FREM1: variants seen among roughly 807,000 people sequenced by gnomAD.
FREM1 encodes FRAS1-related extracellular matrix protein 1.
A neutral mutation model predicts 210.1 loss-of-function variants in FREM1; 220 were observed. That is an observed-to-expected ratio of 1.05 (90% CI 0.94 to 1.17). FREM1 has a LOEUF of 1.17. Among genes scored for constraint, FREM1 ranks in the 50% most tolerant of loss-of-function variants. FREM1 has a pLI of 0.00. For missense variants in FREM1, 3,454 were observed against 2,675.5 expected (o/e 1.29, Z -6.42); for synonymous variants, 1,189 against 980.2 (o/e 1.21, Z -3.98).
At chr9:14,870,314 A>G (rs951590291) in intron 1 of FREM1, among the ~76,000 whole-genome samples, 1 of 152,166 alleles carries the variant, frequency 6.6e-6, no homozygotes, top group African/African-American at 2.4e-5. Flanking sequence ...GTGTCACCTG[A>G]TACCTGAGGG....
intron 2 of FREM1, among the ~76,000 whole-genome samples, chr9:14,868,386 T>C (rs1297917219): frequency 1.3e-5 from 2 of 152,162 alleles, no homozygotes; most frequent in Admixed American, 6.5e-5. Context: ...GAGGAGAAAT[T>C]GGAAAGACTT....
At chr9:14,876,659 G>A (rs182324717) in intron 1 of FREM1, among the ~76,000 whole-genome samples, 25 of 152,176 alleles carry the variant, frequency 1.6e-4, no homozygotes, top group South Asian at 2.1e-4. Flanking sequence ...ACCCTGCTTC[G>A]GCTCAAGCAC....
chr9:14,777,254 T>G (rs1044772286), intron 24 of FREM1, among the ~76,000 whole-genome samples: 1 of 152,236 alleles, frequency 6.6e-6, no homozygotes. Flanking sequence ...ACATTCTACC[T>G]ACTGAAGCCA....
chr9:14,822,178 C>T (rs1821480926), intron 13 of FREM1, among the ~76,000 whole-genome samples: 1 of 152,106 alleles, frequency 6.6e-6, no homozygotes, highest in Non-Finnish European at 1.5e-5. Flanking sequence ...CTTCCCTAGC[C>T]ACGTGAAACT....
chr9:14,859,330 C>G lies in FREM1; in HGVS notation c.484G>C (p.Asp162His), dbSNP rs573357415. 1.9e-6 allele frequency: 3 copies of G among 1,613,886 alleles called. No individual in the cohort carries two copies. Among genetic ancestry groups the G allele is most frequent in the African/African-American group, 1.3e-5 (1 of 75,016 alleles). ...QAIDKNLLRFDYDRMASLECT... is the reference protein window; with the variant it reads ...QAIDKNLLRFHYDRMASLECT... ...TCCAGGCTAGCCATCCTATCATAAT[C>G]GAATCTGAGCAGATTTTTATCAATC... Residue 162 changes from aspartate (D) to histidine (H), a missense_variant, in exon 4 of 37, where the codon GAT (aspartate) becomes CAT (histidine). By Grantham distance (81) the Asp-to-His change is moderately conservative. Transcript: ENST00000380880.
intron 2 of FREM1, among the ~76,000 whole-genome samples, chr9:14,864,745 T>C (rs1424764556): frequency 6.6e-6 from 1 of 152,204 alleles, no homozygotes; most frequent in Non-Finnish European, 1.5e-5. Context: ...ATGTCCACCA[T>C]TGTGTTCGTG....
chr9:14,876,651 C>T (rs1322236164), intron 1 of FREM1, among the ~76,000 whole-genome samples: 2 of 152,122 alleles, frequency 1.3e-5, no homozygotes, highest in Non-Finnish European at 2.9e-5. Flanking sequence ...AATGCCTCAC[C>T]CTGCTTCGGC....
intron 27 of FREM1, among the ~76,000 whole-genome samples, chr9:14,769,141 C>G (rs930877696): frequency 6.6e-6 from 1 of 152,150 alleles, no homozygotes; most frequent in African/African-American, 2.4e-5. Flanking sequence ...AGATTTGTTA[C>G]TCTTGCTATT....
rs1843998861 is a variant in FREM1 at position 14,754,810 on chromosome 9, T to A, written c.5407+1564A>T. The stretch of plus-strand genomic sequence containing the variant: ...TTAGCCAGGTGTGGTGGTGTGCGCC[T>A]GTAGTCCCAGCTACTTGGGAGGCCA... On this transcript the variant is annotated intron_variant, in intron 29 of 36. Transcript: ENST00000380880. Among the ~76,000 whole-genome samples the A allele has an allele frequency of 3.3e-5, 5 of 152,170 alleles. No individual in the cohort carries two copies. In the South Asian group the frequency reaches 1.0e-3, roughly 32 times the overall value.
At chr9:14,871,697 G>A (rs1178454598) in intron 1 of FREM1, among the ~76,000 whole-genome samples, 2 of 152,168 alleles carry the variant, frequency 1.3e-5, no homozygotes, top group South Asian at 2.1e-4. Flanking sequence ...TGTTTCCATT[G>A]CTTTTGGTGT....
At chr9:14,744,844 A>G (rs111338774) in intron 35 of FREM1, among the ~76,000 whole-genome samples, 3 of 152,192 alleles carry the variant, frequency 2.0e-5, no homozygotes, top group African/African-American at 7.2e-5. Flanking sequence ...TGATTGTACC[A>G]TTTTACACTT....
chr9:14,743,065 A>T (rs991988348), intron 35 of FREM1, among the ~76,000 whole-genome samples: 1 of 152,174 alleles, frequency 6.6e-6, no homozygotes, highest in Non-Finnish European at 1.5e-5. Context: ...AAACAATTTC[A>T]TATACTATAA....
chr9:14,855,605 G>A (rs893430239), intron 5 of FREM1, among the ~76,000 whole-genome samples: 2 of 151,874 alleles, frequency 1.3e-5, no homozygotes, highest in African/African-American at 4.8e-5. Flanking sequence ...ATGTAAAAAT[G>A]GTAAAAATAC....
intron 3 of FREM1, among the ~76,000 whole-genome samples, chr9:14,862,148 C>T (rs1830708446): frequency 1.3e-5 from 2 of 152,206 alleles, no homozygotes; most frequent in Non-Finnish European, 2.9e-5. Context: ...TCTTTTGGCG[C>T]TTGTTCTGCA....
At chr9:14,879,760 G>A (rs529946033) in intron 1 of FREM1, among the ~76,000 whole-genome samples, 81 of 152,166 alleles carry the variant, frequency 5.3e-4, no homozygotes, top group Non-Finnish European at 1.1e-3. Context: ...CAACTCTAAA[G>A]GCTGCATCTA....
chr9:14,822,786 C>T (rs1023735660), intron 13 of FREM1, among the ~76,000 whole-genome samples: 4 of 152,148 alleles, frequency 2.6e-5, no homozygotes, highest in African/African-American at 9.7e-5. Context: ...GATTACAGAG[C>T]AGCATAGTTG....
chr9:14,895,562 G>T (rs1322693542), intron 1 of FREM1, among the ~76,000 whole-genome samples: 1 of 152,044 alleles, frequency 6.6e-6, no homozygotes, highest in Non-Finnish European at 1.5e-5. Context: ...TCCAACAGTT[G>T]CCCAGCTCAT....
intron 25 of FREM1, among the ~76,000 whole-genome samples, chr9:14,771,489 A>T (rs765506661): frequency 6.6e-6 from 1 of 152,116 alleles, no homozygotes. Context: ...CACAACCTAC[A>T]CTGTAGGTTC....
At chr9:14,867,114 C>A (rs905808991) in intron 2 of FREM1, among the ~76,000 whole-genome samples, 1 of 152,142 alleles carries the variant, frequency 6.6e-6, no homozygotes, top group East Asian at 1.9e-4. Flanking sequence ...CCCGCCTCAG[C>A]CACCCAAAGT....
Sources: allele counts gnomAD v4.1 joint callset (sites outside exome capture counted in the v4.1 genomes callset), GRCh38; gene constraint gnomAD v4.1.1; transcripts MANE v1.5; gene names NCBI Gene and HGNC (gene_info 2026-07-23, HGNC 2026-07-21).